Variants in GAP43 observed in about 807,000 individuals in gnomAD.
The protein encoded by GAP43 is growth associated protein 43, also known as neuromodulin.
GAP43 carries 6 observed loss-of-function variants against 18.6 expected under a neutral mutation model. That is an observed-to-expected ratio of 0.32 (90% CI 0.18 to 0.64). The LOEUF is 0.64. GAP43 is among the 30% of genes least tolerant of loss of function. The probability of loss-of-function intolerance (pLI) is 0.78; values close to 1 mark genes in which losing one functional copy is unlikely to be tolerated. For missense variants in GAP43, 292 were observed against 295.5 expected (o/e 0.99, Z 0.09); for synonymous variants, 115 against 111.4 (o/e 1.03, Z -0.20).
chr3:115,626,467 G>A (rs1482612369), intron 1 of GAP43, among the ~76,000 whole-genome samples: 1 of 152,184 alleles, frequency 6.6e-6, no homozygotes, highest in African/African-American at 2.4e-5. Context: ...ATAGCAGGAA[G>A]AAGAGAATGA....
chr3:115,686,043 T>C (rs537689446), intron 2 of GAP43, among the ~76,000 whole-genome samples: 1 of 152,346 alleles, frequency 6.6e-6, no homozygotes, highest in African/African-American at 2.4e-5. Context: ...CCAATTTCTA[T>C]GGTATAAATA....
intron 2 of GAP43, among the ~76,000 whole-genome samples, chr3:115,686,483 G>T (rs893617459): frequency 2.0e-5 from 3 of 152,066 alleles, no homozygotes; most frequent in Non-Finnish European, 4.4e-5. Flanking sequence ...AATTTGATCT[G>T]AGCTGTATCT....
intron 2 of GAP43, among the ~76,000 whole-genome samples, chr3:115,694,309 G>A (rs189130749): frequency 1.3e-5 from 2 of 152,132 alleles, no homozygotes; most frequent in Admixed American, 1.3e-4. Context: ...ATAATTAATC[G>A]GGCTTTCCTC....
chr3:115,660,392 G>C (rs553236968), intron 1 of GAP43, among the ~76,000 whole-genome samples: 22 of 152,288 alleles, frequency 1.4e-4, no homozygotes, highest in Admixed American at 1.4e-3. Context: ...TAGGGAAACA[G>C]AACATATATA....
chr3:115,669,977 T>A (rs551860251), intron 1 of GAP43, among the ~76,000 whole-genome samples: 1,513 of 135,246 alleles, frequency 0.011, 27 homozygotes, highest in African/African-American at 0.041. Context: ...TTTTATTTTT[T>A]TTTTTTAATT....
chr3:115,663,467 C>T, intron 1 of GAP43: 1 of 1,071,000 alleles, frequency 9.3e-7, no homozygotes, highest in East Asian at 6.3e-5. Flanking sequence ...CTCCCTCCCT[C>T]TTCTCCCAGT....
At chr3:115,627,842 TAATTA>T (rs1708210095) in intron 1 of GAP43, among the ~76,000 whole-genome samples, 1 of 152,190 alleles carries the variant, frequency 6.6e-6, no homozygotes, top group Non-Finnish European at 1.5e-5. Flanking sequence ...TGTACCTTTG[TAATTA>T]AATCTTCATA....
intron 2 of GAP43, among the ~76,000 whole-genome samples, chr3:115,698,045 ATATAT>A (rs199965061): frequency 0.012 from 864 of 73,204 alleles, 47 homozygotes; most frequent in African/African-American, 0.062. Context: ...AATATATATT[ATATAT>A]TATATAAAAT....
chr3:115,688,104 C>T (rs1224081161), intron 2 of GAP43, among the ~76,000 whole-genome samples: 1 of 152,106 alleles, frequency 6.6e-6, no homozygotes, highest in Non-Finnish European at 1.5e-5. Flanking sequence ...GCAACCTCCG[C>T]CTCCCGGGTT....
Position 115,623,518 on chromosome 3 carries a change from T to G in GAP43, c.-172T>G. On this transcript the variant is annotated 5_prime_UTR_variant, in exon 1 of 3. Transcript: ENST00000305124. ...CAATAGCTGTGGACCTTACAGTTGC[T>G]GCTAACTGCCCTGGTGTGTGTGAGG... 1 of 691,200 alleles carries G rather than the reference T, an allele frequency of 1.4e-6. No individual in the cohort carries two copies. Among genetic ancestry groups the G allele is most frequent in the Non-Finnish European group, 2.5e-6 (1 of 399,834 alleles). 42.8% of individuals were successfully genotyped at this position (691,200 alleles called of 1,614,324 possible).
chr3:115,671,298 T>G (rs149436202), intron 1 of GAP43, among the ~76,000 whole-genome samples: 1 of 152,336 alleles, frequency 6.6e-6, no homozygotes, highest in East Asian at 1.9e-4. Context: ...AGTAATTACT[T>G]CTTATTTCTG....
At chr3:115,689,112 C>T (rs1488876294) in intron 2 of GAP43, among the ~76,000 whole-genome samples, 2 of 152,338 alleles carry the variant, frequency 1.3e-5, no homozygotes, top group East Asian at 3.9e-4. Flanking sequence ...CCTCTTGGCA[C>T]TCAGGTCTCC....
chr3:115,676,544 G>A lies in GAP43; in HGVS notation c.562G>A (p.Ala188Thr). 1 of 1,613,240 alleles carries A rather than the reference G, an allele frequency of 6.2e-7. No homozygotes were observed. The highest frequency in any genetic ancestry group is 8.5e-7 in the Non-Finnish European group (1 of 1,179,968). Residue 188 changes from alanine (A) to threonine (T), a missense_variant, in exon 2 of 3, where the codon GCT becomes ACT. Physicochemically the swap from Ala to Thr is moderately conservative, Grantham distance 58. Coordinates refer to ENST00000305124, the MANE Select transcript of GAP43 (RefSeq NM_002045.4). ...CACCACCCCTGCCGCAGAGGATGCT[G>A]CTGCCAAGGCAACAGCCCAGCCTCC... ...AATTPAAEDA[A>T]AKATAQPPTE... is the part of the protein sequence containing the mutation.
intron 1 of GAP43, among the ~76,000 whole-genome samples, chr3:115,631,644 A>G (rs1708260912): frequency 6.6e-6 from 1 of 152,090 alleles, no homozygotes; most frequent in Non-Finnish European, 1.5e-5. Context: ...GTTTTTTGAG[A>G]TGGAGTCTTG....
intron 2 of GAP43, among the ~76,000 whole-genome samples, chr3:115,693,716 G>T (rs3772931): frequency 7.4e-6 from 1 of 135,138 alleles, no homozygotes; most frequent in Non-Finnish European, 1.5e-5. Context: ...GAAGGAAACC[G>T]AAAGAGAGAA....
chr3:115,648,813 A>G (rs1334516238), intron 1 of GAP43, among the ~76,000 whole-genome samples: 1 of 152,184 alleles, frequency 6.6e-6, no homozygotes, highest in Non-Finnish European at 1.5e-5. Flanking sequence ...AGCATATGGG[A>G]TCAGGGAAGC....
chr3:115,669,439 A>G lies in GAP43; in HGVS notation c.31-6574A>G, dbSNP rs1273534367. On this transcript the variant is annotated intron_variant, in intron 1 of 2. Transcript: ENST00000305124. ...TTTTGGATTCATCCAATAAATATTA[A>G]TTGAGCATCTACTTTGTGCCAGGCA... Among the ~76,000 whole-genome samples, 5 of 152,206 alleles carry G rather than the reference A, an allele frequency of 3.3e-5. No individual in the cohort carries two copies. The East Asian group carries it at 9.6e-4, about 29-fold the overall frequency.
chr3:115,665,482 T>A lies in GAP43; in HGVS notation c.31-10531T>A, dbSNP rs534661797. On this transcript the variant is annotated intron_variant, in intron 1 of 2. Transcript: ENST00000305124. ...GCTTTCCACAATCTGTGTTTCCTTA[T>A]TTTTTTAAAGGGGATGGCACACTTG... 2.3e-4 allele frequency among the ~76,000 whole-genome samples: 35 copies of A among 152,254 alleles called. 1 individual carries two copies. The highest frequency in any genetic ancestry group is 7.5e-4 in the African/African-American group (31 of 41,536).
chr3:115,703,978 G>A (rs755327266), intron 2 of GAP43, among the ~76,000 whole-genome samples: 7 of 152,026 alleles, frequency 4.6e-5, no homozygotes, highest in Non-Finnish European at 7.4e-5. Flanking sequence ...GTGTTCCAGT[G>A]AGTGCTATTG....
Sources: allele counts gnomAD v4.1 joint callset (sites outside exome capture counted in the v4.1 genomes callset), GRCh38; gene constraint gnomAD v4.1.1; transcripts MANE v1.5; gene names NCBI Gene and HGNC (gene_info 2026-07-23, HGNC 2026-07-21).